Variants in SYTL3 observed in about 807,000 individuals in gnomAD.
The protein encoded by SYTL3 is synaptotagmin like 3.
In SYTL3, 88 loss-of-function variants were observed where a neutral mutation model predicts 82.1. The ratio of observed to expected loss-of-function variants is 1.07; its 90% CI spans 0.90 to 1.28. The LOEUF (loss-of-function observed/expected upper bound fraction) is 1.28, where lower values mean the gene tolerates loss of function less well. Among genes scored for constraint, SYTL3 ranks in the 50% most tolerant of loss-of-function variants. The probability of loss-of-function intolerance (pLI) is 0.00; values close to 1 mark genes in which losing one functional copy is unlikely to be tolerated. For missense variants in SYTL3, 831 were observed against 757.6 expected (o/e 1.10, Z -1.14); for synonymous variants, 311 against 289.4 (o/e 1.07, Z -0.76).
At chr6:158,649,597 C>T (rs980388639), upstream of SYTL3, among the ~76,000 whole-genome samples, 3 of 152,232 alleles carry the variant, frequency 2.0e-5, no homozygotes, top group African/African-American at 7.2e-5. Context: ...TGAAGGTTCC[C>T]CTTGGTGATT....
At chr6:158,764,462 C>G in intron 17 of SYTL3, 33 bp from the exon 18 acceptor site, 3 of 1,548,904 alleles carry the variant, frequency 1.9e-6, no homozygotes, top group Non-Finnish European at 1.8e-6. Context: ...GTGCCCTCCC[C>G]GACCATGGCT....
At chr6:158,708,440 AGGAGAG>A (rs761266798) in intron 8 of SYTL3, 49 bp downstream of exon 8, 2 of 1,557,200 alleles carry the variant, frequency 1.3e-6, no homozygotes, top group Non-Finnish European at 1.8e-6. Context: ...AGGGGATAGA[AGGAGAG>A]GAAGCAGGGG....
intron 9 of SYTL3, among the ~76,000 whole-genome samples, chr6:158,715,814 G>A (rs1029701598): frequency 6.7e-6 from 1 of 150,108 alleles, no homozygotes. Context: ...AGGACACTTA[G>A]CGTCCTGTAG....
chr6:158,681,579 G>C (rs1012179014), intron 5 of SYTL3, among the ~76,000 whole-genome samples: 1 of 152,160 alleles, frequency 6.6e-6, no homozygotes, highest in African/African-American at 2.4e-5. Flanking sequence ...TCTGGAGGCT[G>C]AGGCAGGAGA....
upstream of SYTL3, among the ~76,000 whole-genome samples, chr6:158,648,207 C>T (rs902357382): frequency 6.0e-5 from 9 of 150,464 alleles, no homozygotes; most frequent in African/African-American, 9.8e-5. Context: ...GCAGGAGAAT[C>T]GCTTGAACCC....
At chr6:158,671,207 T>A (rs1777347575) in intron 5 of SYTL3, among the ~76,000 whole-genome samples, 1 of 152,184 alleles carries the variant, frequency 6.6e-6, no homozygotes, top group Non-Finnish European at 1.5e-5. Flanking sequence ...TTGACAATAG[T>A]GTGTGTGTCA....
intron 1 of SYTL3, among the ~76,000 whole-genome samples, chr6:158,650,859 G>A (rs1408241454): frequency 1.3e-5 from 2 of 152,064 alleles, no homozygotes; most frequent in Non-Finnish European, 2.9e-5. Context: ...GCTGAGGCAC[G>A]AGAATCACTT....
At chr6:158,745,751 A>T (rs1177405288) in intron 12 of SYTL3, 93 bp downstream of exon 12, 31 of 790,516 alleles carry the variant, frequency 3.9e-5, no homozygotes, top group African/African-American at 8.4e-5. Context: ...GACAATTATT[A>T]AAAAAAAAAA....
upstream of SYTL3, among the ~76,000 whole-genome samples, chr6:158,645,584 A>C (rs139737767): frequency 3.9e-5 from 6 of 152,304 alleles, no homozygotes; most frequent in East Asian, 7.7e-4. Context: ...TGGTAGACCT[A>C]AACTTCAAAT....
chr6:158,661,831 C>T (rs1294763928), intron 3 of SYTL3, among the ~76,000 whole-genome samples: 1 of 152,206 alleles, frequency 6.6e-6, no homozygotes, highest in African/African-American at 2.4e-5. Context: ...TTCTATTCAT[C>T]ACTACTTTGA....
intron 6 of SYTL3, among the ~76,000 whole-genome samples, chr6:158,693,857 T>TTTCTTTTCTTTTC (rs1202706791): frequency 6.6e-5 from 8 of 122,104 alleles, no homozygotes; most frequent in African/African-American, 3.1e-4. Context: ...TTTCTTTTCT[T>TTTCTTTTCTTTTC]TTTTTTTTTT....
At chr6:158,759,692 T>C (rs10945561) in intron 14 of SYTL3, among the ~76,000 whole-genome samples, 54,894 of 151,920 alleles carry the variant, frequency 0.36, 10,982 homozygotes, top group East Asian at 0.79. Flanking sequence ...TCACCACACC[T>C]GGCTAATTTT....
In SYTL3 at chr6:158,760,656, ACAG is replaced by A; in HGVS notation, c.1327_1329del (p.Ser443del). 1 of 1,613,988 alleles carries A rather than the reference ACAG, an allele frequency of 6.2e-7. No homozygotes were observed. Among genetic ancestry groups the A allele is most frequent in the Non-Finnish European group, 8.5e-7 (1 of 1,179,918 alleles). On this transcript the variant is annotated inframe_deletion, in exon 15 of 18. Coordinates refer to ENST00000611299, the MANE Select transcript of SYTL3 (RefSeq NM_001242394.2). ...TGTCCCCAGGCGGAGAAATACGAAG[ACAG>A]CGTTCCTCAGAGTAATGGAGAGCTC...
chr6:158,735,091 C>A (rs924834651), intron 11 of SYTL3, among the ~76,000 whole-genome samples: 2 of 152,080 alleles, frequency 1.3e-5, no homozygotes, highest in African/African-American at 4.8e-5. Context: ...GTTTTCCTGA[C>A]CCATGCTGCC....
chr6:158,677,485 G>A (rs1778180849), intron 5 of SYTL3, among the ~76,000 whole-genome samples: 1 of 151,874 alleles, frequency 6.6e-6, no homozygotes, highest in Non-Finnish European at 1.5e-5. Flanking sequence ...CAACATCATG[G>A]CACATGTATA....
At chr6:158,695,381 C>T (rs1160898138) in intron 6 of SYTL3, among the ~76,000 whole-genome samples, 2 of 152,126 alleles carry the variant, frequency 1.3e-5, no homozygotes, top group Non-Finnish European at 1.5e-5. Flanking sequence ...TATGTTTAGA[C>T]AAAATTACTC....
At chr6:158,654,120 C>T (rs1049568392) in intron 2 of SYTL3, among the ~76,000 whole-genome samples, 6 of 152,174 alleles carry the variant, frequency 3.9e-5, no homozygotes, top group Non-Finnish European at 5.9e-5. Flanking sequence ...AGTCCCCTGG[C>T]GGAGCTGTCC....
rs146225570 is a variant in SYTL3 at position 158,691,652 on chromosome 6, C to CT, written c.394+8673dup. Among the ~76,000 whole-genome samples the CT allele has an allele frequency of 3.1e-3, 458 of 149,744 alleles. 3 individuals are homozygous for CT. The highest frequency in any genetic ancestry group is 9.9e-3 in the African/African-American group (404 of 40,824). ...GAAAGATGACAATATTAATATTAAACTTTTTTTTTTCTTTTTTGAGACGGA... is the reference window on the plus strand; with the variant it reads ...GAAAGATGACAATATTAATATTAAACTTTTTTTTTTTCTTTTTTGAGACGGA... On this transcript the variant is annotated intron_variant, in intron 6 of 17. Transcript: ENST00000611299.
At chr6:158,691,456 A>T (rs1779854087) in intron 6 of SYTL3, among the ~76,000 whole-genome samples, 1 of 152,162 alleles carries the variant, frequency 6.6e-6, no homozygotes, top group East Asian at 1.9e-4. Flanking sequence ...TTTTTAGATC[A>T]CTAATAACTA....
Sources: allele counts gnomAD v4.1 joint callset (sites outside exome capture counted in the v4.1 genomes callset), GRCh38; gene constraint gnomAD v4.1.1; transcripts MANE v1.5; gene names NCBI Gene and HGNC (gene_info 2026-07-23, HGNC 2026-07-21).